The following DOCK2 variants were observed in gnomAD, a reference collection of about 807,000 sequenced individuals.
DOCK2 encodes the protein dedicator of cytokinesis 2.
Under a neutral mutation model 248.9 loss-of-function variants are expected in DOCK2, and 87 were observed. The observed-to-expected ratio is 0.35, with a 90% CI of 0.29 to 0.42. The LOEUF (loss-of-function observed/expected upper bound fraction) is 0.42. Among genes scored for constraint, DOCK2 ranks in the 10% least tolerant of loss-of-function variants. The pLI is 1.00. For missense variants in DOCK2, 1,747 were observed against 2,300.2 expected (o/e 0.76, Z 4.92); for synonymous variants, 805 against 821.6 (o/e 0.98, Z 0.35).
intron 29 of DOCK2, among the ~76,000 whole-genome samples, chr5:169,995,273 C>T (rs540492555): frequency 6.6e-6 from 1 of 152,284 alleles, no homozygotes; most frequent in Admixed American, 6.5e-5. Context: ...AAGTGATCCA[C>T]CCACCTTAGC....
rs750232349 is a variant in DOCK2 at position 170,080,149 on chromosome 5, G to T, written c.5167-14G>T. On this transcript the variant is annotated splice_polypyrimidine_tract_variant and intron_variant, in intron 49 of 51. Coordinates refer to ENST00000520908, the MANE Select transcript of DOCK2 (RefSeq NM_004946.3). ...CTTTGTGTGTGTGTGTGTGTGTCTGGTGTATTCCTCCAGCTTTCCAGGAAG... is the reference window on the plus strand; with the variant it reads ...CTTTGTGTGTGTGTGTGTGTGTCTGTTGTATTCCTCCAGCTTTCCAGGAAG... 6.2e-7 allele frequency: 1 copy of T among 1,613,772 alleles called. No individual in the cohort carries two copies. Among genetic ancestry groups the T allele is most frequent in the South Asian group, 1.1e-5 (1 of 91,050 alleles).
intron 30 of DOCK2, among the ~76,000 whole-genome samples, chr5:170,003,433 A>G (rs980038024): frequency 7.9e-5 from 12 of 152,272 alleles, no homozygotes; most frequent in African/African-American, 2.7e-4. Flanking sequence ...GGCCAGGTGC[A>G]GAACAGTGGA....
chr5:169,778,869 A>G (rs1765532339), intron 25 of DOCK2, among the ~76,000 whole-genome samples: 1 of 152,178 alleles, frequency 6.6e-6, no homozygotes, highest in African/African-American at 2.4e-5. Flanking sequence ...CTGATCTACC[A>G]ATCTATCTAT....
intron 19 of DOCK2, among the ~76,000 whole-genome samples, chr5:169,715,464 A>G (rs1761844817): frequency 6.6e-6 from 1 of 152,132 alleles, no homozygotes; most frequent in South Asian, 2.1e-4. Flanking sequence ...CCACTGACCC[A>G]TCTACCTCGT....
At chr5:169,839,734 T>G (rs1006621142) in intron 26 of DOCK2, among the ~76,000 whole-genome samples, 1 of 152,200 alleles carries the variant, frequency 6.6e-6, no homozygotes, top group African/African-American at 2.4e-5. Context: ...TGGCTTCTAT[T>G]ATACAAGCAC....
rs760667751 is a variant in DOCK2, at chr5:169,869,236, A to C, written c.2799+28384A>C. ...CCACCATCTACATTCAGGGAAGAAC[A>C]CACTCTTTATGTTTCTATGGAAACA... is the stretch of plus-strand genomic sequence containing the variant. On this transcript the variant is annotated intron_variant, in intron 27 of 51. Transcript: ENST00000520908. 3.9e-5 allele frequency among the ~76,000 whole-genome samples: 6 copies of C among 152,162 alleles called. No homozygotes were observed. The South Asian group carries it at 1.0e-3, about 26-fold the overall frequency.
chr5:169,830,261 G>A (rs261630), intron 26 of DOCK2, among the ~76,000 whole-genome samples: 2,869 of 152,272 alleles, frequency 0.019, 101 homozygotes, highest in African/African-American at 0.065. Context: ...TAAATGAGGT[G>A]GCTCATGTAA....
chr5:169,939,088 T>A (rs1776121616), intron 27 of DOCK2, among the ~76,000 whole-genome samples: 2 of 152,152 alleles, frequency 1.3e-5, no homozygotes, highest in South Asian at 2.1e-4. Context: ...GTATTTTTAG[T>A]AGAGACGGGG....
intron 38 of DOCK2, among the ~76,000 whole-genome samples, chr5:170,042,952 G>T (rs1176316790): frequency 2.6e-5 from 4 of 152,242 alleles, no homozygotes; most frequent in African/African-American, 9.6e-5. Flanking sequence ...CCTAGGTTCT[G>T]TTCTAATCAC....
At chr5:170,045,314 T>A (rs1484273445) in intron 38 of DOCK2, among the ~76,000 whole-genome samples, 1 of 152,072 alleles carries the variant, frequency 6.6e-6, no homozygotes, top group Admixed American at 6.5e-5. Context: ...CATTTATCTT[T>A]GGAAAAGGGG....
rs1340204894 is a variant in DOCK2 at position 169,689,341 on chromosome 5, T to C, written c.843+8T>C. ...CTGAAGGTGGTCTTCACGGTGAGTG[T>C]GCACCCTCTTCTCGTTACCGTGCTC... is the stretch of plus-strand genomic sequence containing the variant. On this transcript the variant is annotated splice_region_variant and intron_variant, in intron 9 of 51. Transcript: ENST00000520908. The C allele has an allele frequency of 6.2e-7, 1 of 1,613,910 alleles. No individual in the cohort carries two copies. The highest frequency in any genetic ancestry group is 1.7e-5 in the Admixed American group (1 of 60,022).
At chr5:169,744,701 T>C (rs1194521687) in intron 22 of DOCK2, among the ~76,000 whole-genome samples, 2 of 152,266 alleles carry the variant, frequency 1.3e-5, no homozygotes, top group South Asian at 2.1e-4. Context: ...CCCTTCCCCC[T>C]GGAGTGCTGC....
At chr5:170,050,424 G>A (rs1756874101) in intron 41 of DOCK2, 27 bp downstream of exon 41, 1 of 1,610,978 alleles carries the variant, frequency 6.2e-7, no homozygotes, top group Non-Finnish European at 8.5e-7. Flanking sequence ...CCCTAGCCAA[G>A]GGGCCAGACC....
chr5:169,838,766 G>A (rs943560038), intron 26 of DOCK2, among the ~76,000 whole-genome samples: 20 of 152,276 alleles, frequency 1.3e-4, no homozygotes, highest in Middle Eastern at 6.8e-3. Flanking sequence ...AGTGGCAGAG[G>A]TTCTGTTGGT....
In DOCK2 at chr5:169,840,814, C is replaced by A; in HGVS notation, c.2761C>A (p.Arg921=). The A allele has an allele frequency of 6.2e-7, 1 of 1,613,960 alleles. No homozygotes were observed. The highest frequency in any genetic ancestry group is 8.5e-7 in the Non-Finnish European group (1 of 1,179,966). ...GGTCCAGCTGCTGCGGACAGTGAAC[C>A]GGACAGTCATCACCATGGGCCGGGA... The part of the protein sequence containing the change: ...IMVQLLRTVN[R]TVITMGRDHI... Residue 921 remains arginine, a synonymous_variant, in exon 27 of 52, where the codon CGG becomes AGG. Coordinates refer to ENST00000520908, the MANE Select transcript of DOCK2 (RefSeq NM_004946.3).
At chr5:169,981,918 G>T (rs1777948644) in intron 27 of DOCK2, among the ~76,000 whole-genome samples, 1 of 151,984 alleles carries the variant, frequency 6.6e-6, no homozygotes, top group African/African-American at 2.4e-5. Flanking sequence ...CATGCGACTG[G>T]CTTGATTGTG....
chr5:170,075,854 G>A (rs1329109493), intron 46 of DOCK2, 93 bp from the exon 47 acceptor site: 3 of 1,539,190 alleles, frequency 1.9e-6, no homozygotes, highest in Non-Finnish European at 2.7e-6. Flanking sequence ...ATTCTTAGCA[G>A]GCAGACTTGA....
chr5:169,906,117 C>A (rs560529561), intron 27 of DOCK2, among the ~76,000 whole-genome samples: 140 of 152,254 alleles, frequency 9.2e-4, no homozygotes, highest in African/African-American at 1.9e-3. Flanking sequence ...GTCCTGAGTT[C>A]GACCTTCTTT....
At chr5:169,798,463 AT>A (rs1766784113) in intron 25 of DOCK2, among the ~76,000 whole-genome samples, 1 of 152,172 alleles carries the variant, frequency 6.6e-6, no homozygotes, top group Admixed American at 6.5e-5. Context: ...CATATCTAAA[AT>A]CTCCTAAGTG....
Sources: gnomAD v4.1 joint callset for allele counts (sites outside exome capture counted in the v4.1 genomes callset) on GRCh38, gnomAD v4.1.1 for gene constraint, MANE v1.5 for transcripts, NCBI Gene and HGNC (gene_info 2026-07-23, HGNC 2026-07-21) for gene names.